The following SLC12A6 variants were observed in gnomAD, a reference collection of about 807,000 sequenced individuals.
The protein encoded by SLC12A6 is K-Cl cotransporter 3.
SLC12A6 carries 66 observed loss-of-function variants against 135.3 expected under a neutral mutation model. The ratio of observed to expected loss-of-function variants is 0.49; its 90% CI spans 0.40 to 0.60. The LOEUF (loss-of-function observed/expected upper bound fraction) is 0.60, where lower values mean the gene tolerates loss of function less well. SLC12A6 is among the 20% of genes least tolerant of loss of function. SLC12A6 has a pLI of 0.00. For missense variants in SLC12A6, 1,058 were observed against 1,452.3 expected, an observed-to-expected ratio of 0.73 and a Z score of 4.41; for synonymous variants, 513 against 508.8, an observed-to-expected ratio of 1.01 and a Z score of -0.11.
intron 10 of SLC12A6, 67 bp from the exon 11 acceptor site, chr15:34,251,124 C>T: frequency 8.4e-7 from 1 of 1,197,402 alleles, no homozygotes. Context: ...TAATTTTCTA[C>T]CCAAACATTC....
chr15:34,240,070 G>A (rs1891537353), intron 19 of SLC12A6, among the ~76,000 whole-genome samples: 1 of 151,720 alleles, frequency 6.6e-6, no homozygotes, highest in Admixed American at 6.6e-5. Flanking sequence ...ATTTACATTA[G>A]GTATATCTCC....
chr15:34,253,700 C>G (rs903186885), intron 9 of SLC12A6, among the ~76,000 whole-genome samples: 2 of 152,206 alleles, frequency 1.3e-5, no homozygotes, highest in African/African-American at 4.8e-5. Context: ...GATGACTCTT[C>G]AAGATAATTC....
At chr15:34,239,247 C>CT in intron 19 of SLC12A6, 87 bp from the exon 20 acceptor site, 1 of 1,013,240 alleles carries the variant, frequency 9.9e-7, no homozygotes, top group African/African-American at 1.6e-5. Flanking sequence ...TATCCCCCAC[C>CT]TTTTTCCAAA....
intron 2 of SLC12A6, among the ~76,000 whole-genome samples, chr15:34,287,411 T>G (rs894293798): frequency 1.3e-5 from 2 of 152,248 alleles, no homozygotes; most frequent in Non-Finnish European, 2.9e-5. Context: ...TTCCAAGTCT[T>G]TCCTATTGTG....
At chr15:34,336,383 T>C (rs1475678136) in intron 2 of SLC12A6, 27 bp downstream of exon 2, 1 of 1,585,080 alleles carries the variant, frequency 6.3e-7, no homozygotes, top group East Asian at 2.2e-5. Flanking sequence ...GTAATGAAAG[T>C]ATGCTGCGGT....
At chr15:34,251,979 G>A (rs1320568087) in intron 10 of SLC12A6, among the ~76,000 whole-genome samples, 191 bp downstream of exon 10, 2 of 152,198 alleles carry the variant, frequency 1.3e-5, no homozygotes, top group African/African-American at 4.8e-5. Context: ...CTCTGTAAAG[G>A]AGTACTGAAT....
chr15:34,308,347 G>A (rs144279012), intron 2 of SLC12A6, among the ~76,000 whole-genome samples: 19 of 152,174 alleles, frequency 1.2e-4, no homozygotes, highest in African/African-American at 4.1e-4. Flanking sequence ...ATTAAGGGTT[G>A]GGCACGGTGG....
chr15:34,244,809 A>T (rs1232176846), intron 15 of SLC12A6, among the ~76,000 whole-genome samples: 3 of 152,196 alleles, frequency 2.0e-5, no homozygotes, highest in Admixed American at 1.3e-4. Flanking sequence ...CCATCTGTTT[A>T]GATGCCTTGC....
intron 2 of SLC12A6, among the ~76,000 whole-genome samples, chr15:34,317,582 A>G (rs996318571): frequency 3.6e-5 from 5 of 140,620 alleles, no homozygotes; most frequent in African/African-American, 1.5e-4. Context: ...AGGCATCTGT[A>G]ATCCCAGCTA....
chr15:34,278,580 T>C (rs576474813), intron 2 of SLC12A6, among the ~76,000 whole-genome samples: 1 of 152,280 alleles, frequency 6.6e-6, no homozygotes, highest in South Asian at 2.1e-4. Context: ...CAAGTCCTTT[T>C]ATTTTTTTTG....
Position 34,336,703 on chromosome 15 carries a change from A to C in SLC12A6, c.-23T>G, listed in dbSNP as rs754132062. The C allele has an allele frequency of 1.9e-6, 3 of 1,611,988 alleles. No individual in the cohort carries two copies. The highest frequency in any genetic ancestry group is 2.5e-6 in the Non-Finnish European group (3 of 1,178,064). On this transcript the variant is annotated 5_prime_UTR_variant, in exon 2 of 26. Transcript: ENST00000354181. ...CATTTTGTTCTTTTTAAGAACAAAAAAAGTGGGGGGAACCTCGCAAAATCT... is the reference window on the plus strand; with the variant it reads ...CATTTTGTTCTTTTTAAGAACAAAACAAGTGGGGGGAACCTCGCAAAATCT...
intron 2 of SLC12A6, among the ~76,000 whole-genome samples, chr15:34,331,410 A>C (rs971924168): frequency 2.0e-5 from 3 of 152,146 alleles, no homozygotes; most frequent in African/African-American, 7.2e-5. Flanking sequence ...CAAAGTGCTG[A>C]GATTACAGGC....
At chr15:34,258,747 AG>A (rs1490628897) in intron 5 of SLC12A6, 65 bp downstream of exon 5, 2 of 1,294,470 alleles carry the variant, frequency 1.5e-6, no homozygotes, top group Admixed American at 1.7e-5. Flanking sequence ...ATGGTGCCTT[AG>A]GTATTTCCTT....
At position 34,309,079 on chromosome 15, in the gene SLC12A6, C is replaced by T. The variant is rs558784487; in HGVS notation, c.271+27331G>A. The stretch of plus-strand genomic sequence containing the variant: ...CTGATTGTTGTGAGGATTAAATAAG[C>T]CACAAACCAGTGCCTGGTTTGAACA... On this transcript the variant is annotated intron_variant, in intron 2 of 25. Coordinates refer to ENST00000354181, the MANE Select transcript of SLC12A6 (RefSeq NM_001365088.1). Among the ~76,000 whole-genome samples, 4 of 152,216 alleles carry T rather than the reference C, an allele frequency of 2.6e-5. No individual in the cohort carries two copies. The East Asian group carries it at 7.7e-4, about 29-fold the overall frequency.
chr15:34,229,877 C>A lies in SLC12A6; in HGVS notation c.*4004G>T. 2 of 1,222,932 alleles carry A rather than the reference C, an allele frequency of 1.6e-6. No homozygotes were observed. The highest frequency in any genetic ancestry group is 2.4e-6 in the Non-Finnish European group (2 of 825,692). 75.8% of individuals were successfully genotyped at this position (1,222,932 alleles called of 1,614,324 possible). On this transcript the variant is annotated 3_prime_UTR_variant, in exon 26 of 26. Transcript: ENST00000354181. ...AGTGGCTCCTCAGCATACTCTTAAA[C>A]TAATCACTTATGTTAAAAAGAACCA... is the stretch of plus-strand genomic sequence containing the variant.
At chr15:34,283,304 T>C (rs561197980) in intron 2 of SLC12A6, among the ~76,000 whole-genome samples, 9 of 151,930 alleles carry the variant, frequency 5.9e-5, no homozygotes, top group South Asian at 2.1e-4. Flanking sequence ...GACTGCACCA[T>C]TGCACTCCAA....
At chr15:34,300,486 A>G (rs1005103327) in intron 2 of SLC12A6, among the ~76,000 whole-genome samples, 1 of 152,118 alleles carries the variant, frequency 6.6e-6, no homozygotes, top group African/African-American at 2.4e-5. Context: ...GCCATAACAC[A>G]GCTGCCAGGA....
chr15:34,255,191 T>C (rs761087145), intron 8 of SLC12A6, 71 bp downstream of exon 8: 1 of 1,246,868 alleles, frequency 8.0e-7, no homozygotes, highest in Non-Finnish European at 1.2e-6. Flanking sequence ...TCTCAGAAGC[T>C]TTCATAGCAA....
At chr15:34,335,807 A>T (rs925049557) in intron 2 of SLC12A6, among the ~76,000 whole-genome samples, 2 of 152,244 alleles carry the variant, frequency 1.3e-5, no homozygotes, top group African/African-American at 4.8e-5. Context: ...CATGGGAATC[A>T]GGCCCTAAAA....
Sources: gnomAD v4.1 joint callset for allele counts (sites outside exome capture counted in the v4.1 genomes callset) on GRCh38, gnomAD v4.1.1 for gene constraint, MANE v1.5 for transcripts, NCBI Gene and HGNC (gene_info 2026-07-23, HGNC 2026-07-21) for gene names.